Variants in CCNA1 observed in about 807,000 individuals in gnomAD.
CCNA1 encodes the protein cyclin-A1.
In CCNA1, 23 loss-of-function variants were observed where a neutral mutation model predicts 54.1. That is an observed-to-expected ratio of 0.42 (90% CI 0.31 to 0.60). The LOEUF is 0.60. Among genes scored for constraint, CCNA1 ranks in the 20% least tolerant of loss-of-function variants. The pLI, the probability that CCNA1 is intolerant of heterozygous loss-of-function variation, is 0.14. For synonymous variants in CCNA1, 208 were observed against 213.9 expected (o/e 0.97, Z 0.24); for missense variants, 450 against 556.7 (o/e 0.81, Z 1.93).
rs767463764 is a variant in CCNA1, at chr13:36,438,200, T to C, written c.669+9T>C. 1.2e-6 allele frequency: 2 copies of C among 1,608,014 alleles called. No individual in the cohort carries two copies. Among genetic ancestry groups the C allele is most frequent in the South Asian group, 1.1e-5 (1 of 89,734 alleles). On this transcript the variant is annotated intron_variant, in intron 4 of 8. Transcript: ENST00000255465. ...ACCTTAGGGAAGCTGAAGTAAGTTTTCCCACCTTCTACTTCAATCTTCAGG... is the reference window on the plus strand; with the variant it reads ...ACCTTAGGGAAGCTGAAGTAAGTTTCCCCACCTTCTACTTCAATCTTCAGG...
chr13:36,436,503 A>G (rs1249704943), intron 2 of CCNA1, among the ~76,000 whole-genome samples: 1 of 152,250 alleles, frequency 6.6e-6, no homozygotes, highest in Non-Finnish European at 1.5e-5. Flanking sequence ...AGCACATAGT[A>G]GATACTCAGT....
chr13:36,439,803 G>A (rs1298928121), intron 5 of CCNA1, among the ~76,000 whole-genome samples, 176 bp from the exon 6 acceptor site: 1 of 152,052 alleles, frequency 6.6e-6, no homozygotes, highest in African/African-American at 2.4e-5. Flanking sequence ...TCATGTTCTT[G>A]GTCCAGAAAC....
intron 8 of CCNA1, 30 bp from the exon 9 acceptor site, chr13:36,442,584 G>A (rs766124234): frequency 1.2e-6 from 2 of 1,612,368 alleles, no homozygotes; most frequent in Non-Finnish European, 1.7e-6. Context: ...TCCTTGGCTT[G>A]TGCTGACCTT....
intron 2 of CCNA1, among the ~76,000 whole-genome samples, chr13:36,433,446 CTTTCTTTCTTTCT>C (rs1566169763): frequency 0.063 from 4,567 of 72,212 alleles, 293 homozygotes; most frequent in Middle Eastern, 0.11. Context: ...TTCTTTCGTT[CTTTCTTTCTTTCT>C]TTTCTTTCTC....
At chr13:36,435,440 T>C (rs752486504) in intron 2 of CCNA1, among the ~76,000 whole-genome samples, 1 of 152,220 alleles carries the variant, frequency 6.6e-6, no homozygotes, top group Non-Finnish European at 1.5e-5. Context: ...TGGACTCAAT[T>C]CATAGTCTTT....
intron 2 of CCNA1, among the ~76,000 whole-genome samples, chr13:36,433,431 T>TTCGTTCG: frequency 1.1e-5 from 1 of 94,602 alleles, no homozygotes; most frequent in African/African-American, 4.1e-5. Context: ...TCTTTCTTTC[T>TTCGTTCG]TTCTTTCTTT....
intron 4 of CCNA1, 85 bp downstream of exon 4, chr13:36,438,276 C>A: frequency 8.5e-7 from 1 of 1,179,664 alleles, no homozygotes; most frequent in Non-Finnish European, 1.2e-6. Context: ...TCCATAACCA[C>A]TAGTGAATGG....
chr13:36,442,753 ATGT>A lies in CCNA1; in HGVS notation c.*93_*95del. On this transcript the variant is annotated 3_prime_UTR_variant, in exon 9 of 9. Coordinates refer to ENST00000255465, the MANE Select transcript of CCNA1 (RefSeq NM_003914.4). ...AGGCTTCTGCACGTTGGATCAACTA[ATGT>A]TGTTTACAATATAGATGACATTTTA... 2 of 1,046,644 alleles carry A rather than the reference ATGT, an allele frequency of 1.9e-6. No individual in the cohort carries two copies. Among genetic ancestry groups the A allele is most frequent in the East Asian group, 2.4e-5 (1 of 42,030 alleles). The allele number at this position is 1,046,644 out of a possible 1,614,324, so 64.8% of individuals were successfully genotyped here. A position where few individuals can be genotyped will look rare whatever the true frequency, so the allele number is the denominator to read the frequency against.
At chr13:36,435,000 C>T (rs1288410804) in intron 2 of CCNA1, among the ~76,000 whole-genome samples, 1 of 152,112 alleles carries the variant, frequency 6.6e-6, no homozygotes, top group African/African-American at 2.4e-5. Flanking sequence ...ACTAAACGCT[C>T]CCTCTGAGTA....
rs974177249 is a variant in CCNA1 at position 36,441,222 on chromosome 13, G to A, written c.1203G>A (p.Lys401=). 5 of 1,590,554 alleles carry A rather than the reference G, an allele frequency of 3.1e-6. No individual in the cohort carries two copies. Among genetic ancestry groups the A allele is most frequent in the Non-Finnish European group, 4.3e-6 (5 of 1,159,078 alleles). ...GCCTGGCAAACTATACTGTGAACAA[G>A]CACTTTTGGGTAAGATTCTAACTTC... Residue 401 remains lysine, a synonymous_variant, in exon 7 of 9, where the codon AAG becomes AAA. Transcript: ENST00000255465.
intron 7 of CCNA1, 147 bp from the exon 8 acceptor site, chr13:36,442,024 T>C (rs2055881291): frequency 1.9e-6 from 1 of 539,186 alleles, no homozygotes; most frequent in Admixed American, 3.1e-5. Context: ...ATATTTTACA[T>C]CTAAAATCTC....
Position 36,437,724 on chromosome 13 carries a change from C to T in CCNA1, c.393C>T (p.Pro131=), listed in dbSNP as rs994088079. The T allele has an allele frequency of 1.1e-5, 17 of 1,614,006 alleles. No individual in the cohort carries two copies. The highest frequency in any genetic ancestry group is 1.7e-5 in the Admixed American group (1 of 60,002). Residue 131 remains proline (P), a synonymous_variant, in exon 3 of 9, where the codon CCC becomes CCT. Transcript: ENST00000255465. Reference sequence around the variant, plus strand: ...CTGACTGTGGGGTCCAAGAGCCCCCCAAGCAAGGGTTTGACATCTACATGG... The same window carrying T: ...CTGACTGTGGGGTCCAAGAGCCCCCTAAGCAAGGGTTTGACATCTACATGG...
At chr13:36,438,361 C>G (rs1048787761) in intron 4 of CCNA1, among the ~76,000 whole-genome samples, 170 bp downstream of exon 4, 1 of 152,176 alleles carries the variant, frequency 6.6e-6, no homozygotes, top group African/African-American at 2.4e-5. Flanking sequence ...ATTGCTTGGA[C>G]TATTTCTACA....
intron 2 of CCNA1, among the ~76,000 whole-genome samples, chr13:36,435,163 T>C (rs1330391038): frequency 6.6e-6 from 1 of 152,226 alleles, no homozygotes; most frequent in African/African-American, 2.4e-5. Flanking sequence ...ATTATGTCGA[T>C]TAAAGTAATT....
chr13:36,441,488 G>A (rs988797033), intron 7 of CCNA1, among the ~76,000 whole-genome samples: 1 of 152,174 alleles, frequency 6.6e-6, no homozygotes, highest in Non-Finnish European at 1.5e-5. Context: ...AGTGCCCACT[G>A]TTATTCAGGG....
Position 36,435,401 on chromosome 13 carries a change from T to C in CCNA1, c.297+2180T>C, listed in dbSNP as rs145183868. On this transcript the variant is annotated intron_variant, in intron 2 of 8. Coordinates refer to ENST00000255465, the MANE Select transcript of CCNA1 (RefSeq NM_003914.4). ...CACATTGTTTGTTGGATGAATGTTC[T>C]CTGTCTCTAGTTCTTTTCCTGCTCT... is the stretch of plus-strand genomic sequence containing the variant. Among the ~76,000 whole-genome samples the C allele has an allele frequency of 8.3e-3, 1,260 of 152,348 alleles. 20 individuals carry two copies. Among genetic ancestry groups the C allele is most frequent in the African/African-American group, 0.029 (1,219 of 41,590 alleles).
intron 6 of CCNA1, among the ~76,000 whole-genome samples, chr13:36,440,690 G>C (rs2137834552): frequency 6.6e-6 from 1 of 152,276 alleles, no homozygotes; most frequent in South Asian, 2.1e-4. Context: ...ATGTCCACAT[G>C]TTTTACTATG....
chr13:36,432,446 C>T (rs903145294), upstream of CCNA1: 3 of 383,872 alleles, frequency 7.8e-6, no homozygotes, highest in African/African-American at 4.3e-5. Context: ...CCCCGCCCTG[C>T]CCCGCCCAGC....
chr13:36,432,529 A>G lies in CCNA1; in HGVS notation c.-93A>G. The G allele has an allele frequency of 1.5e-6, 1 of 660,206 alleles. No homozygotes were observed. Among genetic ancestry groups the G allele is most frequent in the Non-Finnish European group, 2.6e-6 (1 of 386,816 alleles). The allele number at this position is 660,206 out of a possible 1,614,324, so 40.9% of individuals were successfully genotyped here. A position where few individuals can be genotyped will look rare whatever the true frequency, so the allele number is the denominator to read the frequency against. On this transcript the variant is annotated 5_prime_UTR_variant, in exon 1 of 9. Coordinates refer to ENST00000255465, the MANE Select transcript of CCNA1 (RefSeq NM_003914.4). Reference sequence around the variant, plus strand: ...GGACACATAGAAAGATAACGACGGGAAGAGCGGGGCCCGCTTTGGGGTCCA... The same window carrying G: ...GGACACATAGAAAGATAACGACGGGGAGAGCGGGGCCCGCTTTGGGGTCCA...
Sources: gnomAD v4.1 joint callset for allele counts (sites outside exome capture counted in the v4.1 genomes callset) on GRCh38, gnomAD v4.1.1 for gene constraint, MANE v1.5 for transcripts, NCBI Gene and HGNC (gene_info 2026-07-23, HGNC 2026-07-21) for gene names.